ARHGAP10: variants seen among roughly 807,000 people sequenced by gnomAD.
ARHGAP10 encodes the protein Rho GTPase activating protein 10, also known as rho GTPase-activating protein 10.
A neutral mutation model predicts 108.6 loss-of-function variants in ARHGAP10; 87 were observed. The observed-to-expected ratio is 0.80, with a 90% CI of 0.67 to 0.96. ARHGAP10 has a LOEUF of 0.96. Ranked by LOEUF, ARHGAP10 falls within the 40% of genes least tolerant of loss-of-function variation. The pLI is 0.00. For missense variants in ARHGAP10, 939 were observed against 954.5 expected, an observed-to-expected ratio of 0.98 and a Z score of 0.21; for synonymous variants, 347 against 341.1, an observed-to-expected ratio of 1.02 and a Z score of -0.19.
chr4:148,064,466 G>A lies in ARHGAP10; in HGVS notation c.2231G>A (p.Ser744Asn), dbSNP rs1180504696. The change falls in exon 22 of 23, where the codon AGC (serine) becomes AAC (asparagine). Residue 744 changes from serine (S) to asparagine (N), a missense_variant. By Grantham distance (46) the Ser-to-Asn change is conservative (BLOSUM62 1). Coordinates refer to ENST00000336498, the MANE Select transcript of ARHGAP10 (RefSeq NM_024605.4). ...GTGTATCCGTGTGAAGCAGAACACAGCTCGGAATTATCTTTTGAAATAGGA... is the reference window on the plus strand; with the variant it reads ...GTGTATCCGTGTGAAGCAGAACACAACTCGGAATTATCTTTTGAAATAGGA... ...RAVYPCEAEH[S>N]SELSFEIGAI... 1 of 1,614,068 alleles carries A rather than the reference G, an allele frequency of 6.2e-7. No homozygotes were observed. The highest frequency in any genetic ancestry group is 8.5e-7 in the Non-Finnish European group (1 of 1,180,028).
chr4:147,740,903 C>T (rs1027952970), intron 1 of ARHGAP10, among the ~76,000 whole-genome samples: 2 of 148,684 alleles, frequency 1.3e-5, no homozygotes, highest in Non-Finnish European at 3.0e-5. Context: ...GGGGTAGGAC[C>T]TATCTCAGAT....
intron 18 of ARHGAP10, among the ~76,000 whole-genome samples, chr4:147,968,969 T>G (rs1739302471): frequency 6.6e-6 from 1 of 152,244 alleles, no homozygotes; most frequent in East Asian, 1.9e-4. Context: ...CTTATTTTCT[T>G]GTCTGTTTCT....
At chr4:147,955,113 T>C (rs966195607) in intron 15 of ARHGAP10, among the ~76,000 whole-genome samples, 2 of 152,118 alleles carry the variant, frequency 1.3e-5, no homozygotes, top group African/African-American at 4.8e-5. Context: ...TGTGGCTCCC[T>C]AGGCTTTGAT....
intron 1 of ARHGAP10, among the ~76,000 whole-genome samples, chr4:147,788,975 T>C (rs996734822): frequency 6.6e-6 from 1 of 152,220 alleles, no homozygotes; most frequent in Non-Finnish European, 1.5e-5. Context: ...CATAAACTTA[T>C]CCGGTTCTTG....
intron 1 of ARHGAP10, among the ~76,000 whole-genome samples, chr4:147,803,145 A>G (rs1242597353): frequency 2.0e-5 from 3 of 151,944 alleles, no homozygotes; most frequent in Non-Finnish European, 4.4e-5. Context: ...AGTAACTGGG[A>G]TTACAGGTGT....
At chr4:148,069,530 C>G (rs928479576) in intron 22 of ARHGAP10, among the ~76,000 whole-genome samples, 4 of 152,198 alleles carry the variant, frequency 2.6e-5, no homozygotes, top group Non-Finnish European at 4.4e-5. Flanking sequence ...AGAAAATCAC[C>G]TTTTTCCTCC....
At chr4:148,005,505 C>G (rs115035727) in intron 18 of ARHGAP10, among the ~76,000 whole-genome samples, 1 of 152,106 alleles carries the variant, frequency 6.6e-6, no homozygotes, top group Non-Finnish European at 1.5e-5. Flanking sequence ...TATTATGGCC[C>G]TTTTGTGGTT....
intron 3 of ARHGAP10, among the ~76,000 whole-genome samples, chr4:147,826,899 CA>C (rs894818570): frequency 2.6e-5 from 4 of 152,170 alleles, no homozygotes; most frequent in African/African-American, 9.7e-5. Context: ...GCCCCGCCCT[CA>C]ATAACAGTTG....
In ARHGAP10 at chr4:147,966,792, A is replaced by G; in HGVS notation, c.1669A>G (p.Lys557Glu). The change falls in exon 18 of 23, where the codon AAG (lysine) becomes GAG (glutamate). Residue 557 changes from lysine (K) to glutamate (E), a missense_variant. Lys to Glu is a moderately conservative substitution (Grantham distance 56). Transcript: ENST00000336498. ...EETVAALMDL[K>E]FQNIVVEILI... is the part of the protein sequence containing the mutation. ...AACTGTCGCTGCCCTCATGGACTTG[A>G]AGTTTCAGAATATTGTTGTGGAAAT... The G allele has an allele frequency of 1.9e-6, 3 of 1,598,814 alleles. No homozygotes were observed. The highest frequency in any genetic ancestry group is 2.6e-6 in the Non-Finnish European group (3 of 1,169,502).
Position 147,947,758 on chromosome 4 carries a change from TG to T in ARHGAP10, c.1391+1057del, listed in dbSNP as rs1229609718. 2.0e-5 allele frequency among the ~76,000 whole-genome samples: 3 copies of T among 152,270 alleles called. No individual in the cohort carries two copies. In the South Asian group the frequency reaches 6.2e-4, roughly 32 times the overall value. On this transcript the variant is annotated intron_variant, in intron 15 of 22. Coordinates refer to ENST00000336498, the MANE Select transcript of ARHGAP10 (RefSeq NM_024605.4). ...GGTTGTTTTTCAGGTAAAAGTTATTTGGGTTCCAGTGGATACATTCGAATCA... is the reference window on the plus strand; with the variant it reads ...GGTTGTTTTTCAGGTAAAAGTTATTTGGTTCCAGTGGATACATTCGAATCA...
intron 20 of ARHGAP10, among the ~76,000 whole-genome samples, chr4:148,049,343 T>G (rs1279753196): frequency 6.6e-6 from 1 of 152,214 alleles, no homozygotes; most frequent in Admixed American, 6.5e-5. Flanking sequence ...GCTCCTTGCC[T>G]GCCTCCAGGG....
At chr4:147,759,953 T>C (rs1187596425) in intron 1 of ARHGAP10, among the ~76,000 whole-genome samples, 1 of 152,180 alleles carries the variant, frequency 6.6e-6, no homozygotes, top group Non-Finnish European at 1.5e-5. Context: ...TTTCACCATG[T>C]TGGCCAGGCT....
Position 147,813,498 on chromosome 4 carries a change from G to A in ARHGAP10, c.155-9229G>A, listed in dbSNP as rs7683761. ...TTTAGGAAATCAGAAGGAAAAAGCC[G>A]TGGGAGCCGAAATTGAAAGAATGCC... On this transcript the variant is annotated intron_variant, in intron 1 of 22. Transcript: ENST00000336498. 3.3e-5 allele frequency among the ~76,000 whole-genome samples: 5 copies of A among 152,356 alleles called. No homozygotes were observed. The East Asian group carries it at 5.8e-4, about 18-fold the overall frequency.
intron 1 of ARHGAP10, among the ~76,000 whole-genome samples, chr4:147,737,401 C>T: frequency 6.6e-6 from 1 of 151,484 alleles, no homozygotes; most frequent in Non-Finnish European, 1.5e-5. Flanking sequence ...GTGATCCGTC[C>T]ACCTCGGCCT....
At chr4:147,857,826 TAATG>T (rs1734157212) in intron 5 of ARHGAP10, 172 bp downstream of exon 5, 2 of 478,668 alleles carry the variant, frequency 4.2e-6, no homozygotes, top group Non-Finnish European at 6.5e-6. Flanking sequence ...CAAGAAAAAA[TAATG>T]AATACATCTT....
chr4:147,766,819 TA>T (rs1560746893), intron 1 of ARHGAP10, among the ~76,000 whole-genome samples: 779 of 13,472 alleles, frequency 0.058, 12 homozygotes, highest in Middle Eastern at 0.17. Context: ...TATATATATA[TA>T]TATATATATA....
At chr4:147,987,691 T>C (rs1437832133) in intron 18 of ARHGAP10, among the ~76,000 whole-genome samples, 1 of 152,208 alleles carries the variant, frequency 6.6e-6, no homozygotes, top group East Asian at 1.9e-4. Context: ...ACTGAGCCAG[T>C]TACTATGAGG....
At chr4:147,758,589 T>C (rs1441837524) in intron 1 of ARHGAP10, among the ~76,000 whole-genome samples, 3 of 152,186 alleles carry the variant, frequency 2.0e-5, no homozygotes, top group Non-Finnish European at 4.4e-5. Flanking sequence ...TGTTTAAATG[T>C]GCATTCCTTC....
chr4:147,776,648 A>G (rs998186999), intron 1 of ARHGAP10, among the ~76,000 whole-genome samples: 8 of 152,048 alleles, frequency 5.3e-5, no homozygotes, highest in Non-Finnish European at 1.0e-4. Context: ...CTTTTGATAA[A>G]TGTGCACAAG....
Sources: allele counts gnomAD v4.1 joint callset (sites outside exome capture counted in the v4.1 genomes callset), GRCh38; gene constraint gnomAD v4.1.1; transcripts MANE v1.5; gene names NCBI Gene and HGNC (gene_info 2026-07-23, HGNC 2026-07-21).